Variants in CACNB1 observed in about 807,000 individuals in gnomAD.
The protein encoded by CACNB1 is calcium voltage-gated channel auxiliary subunit beta 1, also known as voltage-dependent L-type calcium channel subunit beta-1.
CACNB1 carries 29 observed loss-of-function variants against 71.6 expected under a neutral mutation model. The observed-to-expected ratio is 0.40, with a 90% CI of 0.30 to 0.55. CACNB1 has a LOEUF of 0.55. CACNB1 is among the 20% of genes least tolerant of loss of function. The probability of loss-of-function intolerance (pLI) is 0.38; values close to 1 mark genes in which losing one functional copy is unlikely to be tolerated. For missense variants in CACNB1, 623 were observed against 801.8 expected (o/e 0.78, Z 2.69); for synonymous variants, 300 against 319.6 (o/e 0.94, Z 0.65).
intron 3 of CACNB1, among the ~76,000 whole-genome samples, chr17:39,190,348 G>A (rs192358367): frequency 5.9e-5 from 9 of 152,190 alleles, no homozygotes; most frequent in African/African-American, 2.2e-4. Flanking sequence ...GCTCCAGTGA[G>A]CTGTGATCAC....
At chr17:39,183,574 C>T (rs755403350) in intron 11 of CACNB1, 139 bp downstream of exon 11, 168 of 718,028 alleles carry the variant, frequency 2.3e-4, no homozygotes, top group Non-Finnish European at 3.5e-4. Context: ...CTTGACAATA[C>T]GATGGAGCTT....
At chr17:39,187,066 C>T in intron 4 of CACNB1, 137 bp from the exon 5 acceptor site, 1 of 883,722 alleles carries the variant, frequency 1.1e-6, no homozygotes. Context: ...CCAGCCCTGG[C>T]TCCAGCCTCT....
chr17:39,185,764 C>T (rs756369129), intron 6 of CACNB1, among the ~76,000 whole-genome samples: 3 of 152,166 alleles, frequency 2.0e-5, no homozygotes, highest in Admixed American at 6.5e-5. Flanking sequence ...TCCTGGAGAT[C>T]GGGCCAGGGT....
At chr17:39,178,136 A>C (rs2045636967) in intron 11 of CACNB1, 57 bp from the exon 12 acceptor site, 3 of 1,290,012 alleles carry the variant, frequency 2.3e-6, no homozygotes, top group Non-Finnish European at 3.4e-6. Flanking sequence ...CAATGCACCC[A>C]GTCAGAGAGG....
At chr17:39,195,093 C>A (rs2046175256) in intron 1 of CACNB1, 123 bp from the exon 2 acceptor site, 5 of 654,284 alleles carry the variant, frequency 7.6e-6, no homozygotes, top group South Asian at 1.8e-5. Context: ...CTCCACCCCC[C>A]TGCACATTCC....
At chr17:39,195,518 A>C (rs1473437757) in intron 1 of CACNB1, among the ~76,000 whole-genome samples, 2 of 152,142 alleles carry the variant, frequency 1.3e-5, no homozygotes, top group Non-Finnish European at 2.9e-5. Context: ...TTCACAGAGT[A>C]GGGAGGGGAT....
At chr17:39,190,669 C>T (rs1191356953) in intron 3 of CACNB1, among the ~76,000 whole-genome samples, 2 of 151,604 alleles carry the variant, frequency 1.3e-5, no homozygotes, top group Non-Finnish European at 2.9e-5. Context: ...CTCAAGTGAT[C>T]CGCCCAACCG....
intron 1 of CACNB1, among the ~76,000 whole-genome samples, chr17:39,197,110 C>A (rs2046216764): frequency 1.3e-5 from 2 of 152,138 alleles, no homozygotes; most frequent in Admixed American, 1.3e-4. Flanking sequence ...CCCCCTCCAC[C>A]AGCACCCCCA....
chr17:39,186,625 G>T lies in CACNB1; in HGVS notation c.552-53C>A. 1 of 1,542,942 alleles carries T rather than the reference G, an allele frequency of 6.5e-7. No homozygotes were observed. The highest frequency in any genetic ancestry group is 1.1e-5 in the South Asian group (1 of 87,764). The stretch of plus-strand genomic sequence containing the variant: ...GTGAGCAAAGAGGTGGGCGTGGGGG[G>T]CTCTCATCCTCTCACATGCGGCACC... On this transcript the variant is annotated intron_variant, in intron 5 of 13. Transcript: ENST00000394303. The surrounding 1 kb of genome is among the most constrained non-coding windows in gnomAD (Gnocchi z 4.1).
intron 2 of CACNB1, chr17:39,193,266 A>C: frequency 3.3e-6 from 1 of 306,488 alleles, no homozygotes; most frequent in South Asian, 2.5e-5. Context: ...ACATGTAGGC[A>C]TGCGCACACA....
chr17:39,182,131 G>A (rs1472046135), intron 11 of CACNB1, among the ~76,000 whole-genome samples: 2 of 150,946 alleles, frequency 1.3e-5, no homozygotes, highest in African/African-American at 4.9e-5. Context: ...CTACACTCCA[G>A]CCTGGGTGAC....
intron 13 of CACNB1, 66 bp downstream of exon 13, chr17:39,177,284 C>T (rs1033923692): frequency 2.9e-5 from 46 of 1,609,460 alleles, no homozygotes; most frequent in Non-Finnish European, 3.4e-5. Flanking sequence ...CCACACTGCC[C>T]CGCTGTGAGG....
intron 4 of CACNB1, 178 bp downstream of exon 4, chr17:39,187,301 C>T: frequency 1.4e-6 from 1 of 726,920 alleles, no homozygotes; most frequent in South Asian, 1.8e-5. Context: ...CTGACCTAAG[C>T]ATTACCACCT....
chr17:39,179,578 CAA>C (rs35250365), intron 11 of CACNB1, among the ~76,000 whole-genome samples: 19 of 92,500 alleles, frequency 2.1e-4, no homozygotes, highest in Admixed American at 2.5e-4. Context: ...GACTCTGTCT[CAA>C]AAAAAAAAAA....
Position 39,175,031 on chromosome 17 carries a change from G to T in CACNB1, c.*162C>A. On this transcript the variant is annotated 3_prime_UTR_variant, in exon 14 of 14. Transcript: ENST00000394303. The surrounding 1 kb of genome is among the most constrained non-coding windows in gnomAD (Gnocchi z 4.7). The stretch of plus-strand genomic sequence containing the variant: ...GCTGGGGCTTAAGGGCCTCCCGGGA[G>T]CTGGGATGGTAACACCAAAGAAACC... The T allele has an allele frequency of 1.6e-6, 1 of 644,378 alleles. No homozygotes were observed. Among genetic ancestry groups the T allele is most frequent in the Non-Finnish European group, 2.7e-6 (1 of 375,506 alleles). 39.9% of individuals were successfully genotyped at this position (644,378 alleles called of 1,614,324 possible).
intron 2 of CACNB1, 169 bp from the exon 3 acceptor site, chr17:39,191,762 A>G: frequency 1.6e-6 from 1 of 611,620 alleles, no homozygotes; most frequent in Non-Finnish European, 2.8e-6. Flanking sequence ...CCAGGAGCTG[A>G]GATTTCTCAG....
At position 39,175,152 on chromosome 17, in the gene CACNB1, T is replaced by A; in HGVS notation, c.*41A>T. ...GAGCCCCTCGCTCCCTCCCCTCCCCTGGGCTCAGAGCCCTTCCTCCCGCCG... is the reference window on the plus strand; with the variant it reads ...GAGCCCCTCGCTCCCTCCCCTCCCCAGGGCTCAGAGCCCTTCCTCCCGCCG... On this transcript the variant is annotated 3_prime_UTR_variant, in exon 14 of 14. Transcript: ENST00000394303. The surrounding 1 kb of genome is among the most constrained non-coding windows in gnomAD (Gnocchi z 4.7). 1 of 1,508,030 alleles carries A rather than the reference T, an allele frequency of 6.6e-7. No homozygotes were observed. Among genetic ancestry groups the A allele is most frequent in the South Asian group, 1.2e-5 (1 of 82,394 alleles). 93.4% of individuals were successfully genotyped at this position (1,508,030 alleles called of 1,614,324 possible).
intron 11 of CACNB1, among the ~76,000 whole-genome samples, chr17:39,180,159 G>T (rs2045713933): frequency 6.6e-6 from 1 of 151,720 alleles, no homozygotes; most frequent in South Asian, 2.1e-4. Flanking sequence ...CAGATACTCA[G>T]GAGGCTGAGG....
rs934275521 is a variant in CACNB1 at position 39,177,874 on chromosome 17, A to G, written c.1146+110T>C. On this transcript the variant is annotated intron_variant, in intron 12 of 13. Coordinates refer to ENST00000394303, the MANE Select transcript of CACNB1 (RefSeq NM_000723.5). ...TCCCAGAAGACCAGTCTGCACCCAC[A>G]GGCCTGACCCAGGTGTTCCTGGTCA... The G allele has an allele frequency of 1.5e-5, 13 of 871,524 alleles. No individual in the cohort carries two copies. The Admixed American group carries it at 2.2e-4, about 15-fold the overall frequency. 54.0% of individuals were successfully genotyped at this position (871,524 alleles called of 1,614,324 possible). A position where few individuals can be genotyped will look rare whatever the true frequency, so the allele number is the denominator to read the frequency against.
Sources: allele counts gnomAD v4.1 joint callset (sites outside exome capture counted in the v4.1 genomes callset), GRCh38; gene constraint gnomAD v4.1.1; non-coding constraint Gnocchi (gnomAD v3.1); transcripts MANE v1.5; gene names NCBI Gene and HGNC (gene_info 2026-07-23, HGNC 2026-07-21).